AGPAT4: variants seen among roughly 807,000 people sequenced by gnomAD.
AGPAT4 encodes 1-acylglycerol-3-phosphate O-acyltransferase 4, also known as 1-acyl-sn-glycerol-3-phosphate acyltransferase delta.
A neutral mutation model predicts 48.0 loss-of-function variants in AGPAT4; 15 were observed. That is an observed-to-expected ratio of 0.31 (90% confidence interval 0.21 to 0.48). AGPAT4 has a LOEUF of 0.48. Ranked by LOEUF, AGPAT4 falls within the 20% of genes least tolerant of loss-of-function variation. The probability of loss-of-function intolerance (pLI) is 0.99; values close to 1 mark genes in which losing one functional copy is unlikely to be tolerated. For missense variants in AGPAT4, 314 were observed against 482.5 expected (o/e 0.65, Z 3.27); for synonymous variants, 178 against 198.7 (o/e 0.90, Z 0.88).
intron 2 of AGPAT4, among the ~76,000 whole-genome samples, chr6:161,173,856 C>T (rs1012820497): frequency 2.0e-5 from 3 of 152,218 alleles, no homozygotes; most frequent in Non-Finnish European, 4.4e-5. Flanking sequence ...TTTCAGCTTT[C>T]TACATATGGC....
rs1392734677 is a variant in AGPAT4 at position 161,219,411 on chromosome 6, G to T, written c.178+12625C>A. The stretch of plus-strand genomic sequence containing the variant: ...AGATGAGATAAAAGGAACATAAATA[G>T]AAGCTCTCAGGTTTGTTTTTTCTAT... On this transcript the variant is annotated intron_variant, in intron 2 of 8. Coordinates refer to ENST00000320285, the MANE Select transcript of AGPAT4 (RefSeq NM_020133.3). This position sits in a 1 kb window ranked among gnomAD's most constrained non-coding sequence, Gnocchi z 4.9. 1.3e-5 allele frequency among the ~76,000 whole-genome samples: 2 copies of T among 151,658 alleles called. No homozygotes were observed. The highest frequency in any genetic ancestry group is 2.9e-5 in the Non-Finnish European group (2 of 67,972).
intron 2 of AGPAT4, among the ~76,000 whole-genome samples, chr6:161,205,969 G>A (rs2115014458): frequency 6.6e-6 from 1 of 152,160 alleles, no homozygotes; most frequent in African/African-American, 2.4e-5. Flanking sequence ...TCTGAAAGGT[G>A]GAGAGAAGAA....
Position 161,255,950 on chromosome 6 carries a change from G to A in AGPAT4, c.-90+17988C>T, listed in dbSNP as rs1331513360. On this transcript the variant is annotated intron_variant, in intron 1 of 8. Transcript: ENST00000320285. The surrounding 1 kb of genome is among the most constrained non-coding windows in gnomAD (Gnocchi z 4.7). ...CCACAGAAGACAAAACATAAGCAGA[G>A]TCAGCCTTCAGTCCACACAGCCATG... Among the ~76,000 whole-genome samples the A allele has an allele frequency of 1.3e-5, 2 of 152,120 alleles. No homozygotes were observed. The highest frequency in any genetic ancestry group is 2.9e-5 in the Non-Finnish European group (2 of 68,026).
chr6:161,132,691 T>G lies in AGPAT4; in HGVS notation c.*3849A>C, dbSNP rs1778939590. 6.6e-6 allele frequency: 1 copy of G among 152,278 alleles called. No homozygotes were observed. 9.4% of individuals were successfully genotyped at this position (152,278 alleles called of 1,614,324 possible). A position where few individuals can be genotyped will look rare whatever the true frequency, so the allele number is the denominator to read the frequency against. On this transcript the variant is annotated 3_prime_UTR_variant, in exon 9 of 9. Coordinates refer to ENST00000320285, the MANE Select transcript of AGPAT4 (RefSeq NM_020133.3). ...TGAGCATGTTACACATGGGCTTGCC[T>G]AAGTATTTCCTTCTCTGTGAACATC...
Position 161,133,083 on chromosome 6 carries a change from G to T in AGPAT4, c.*3457C>A, listed in dbSNP as rs990623286. On this transcript the variant is annotated 3_prime_UTR_variant, in exon 9 of 9. Transcript: ENST00000320285. ...AAAGCTGGATTAAATCTCTTGAGCAGAAGTAGAGACCCTAGAGAATCTTCA... is the reference window on the plus strand; with the variant it reads ...AAAGCTGGATTAAATCTCTTGAGCATAAGTAGAGACCCTAGAGAATCTTCA... The T allele has an allele frequency of 6.6e-6, 1 of 152,222 alleles. No homozygotes were observed. The highest frequency in any genetic ancestry group is 2.4e-5 in the African/African-American group (1 of 41,454). The allele number at this position is 152,222 out of a possible 1,614,324, so 9.4% of individuals were successfully genotyped here.
rs747268357 is a variant in AGPAT4 at position 161,144,877 on chromosome 6, A to C, written c.843+1647T>G. On this transcript the variant is annotated intron_variant, in intron 7 of 8. Coordinates refer to ENST00000320285, the MANE Select transcript of AGPAT4 (RefSeq NM_020133.3). This position sits in a 1 kb window ranked among gnomAD's most constrained non-coding sequence, Gnocchi z 6.6. ...GTGCCTGTAGTCCCAGATATTTGGGAGGCTGAGGCAGGAGAATGGCGTGAA... is the reference window on the plus strand; with the variant it reads ...GTGCCTGTAGTCCCAGATATTTGGGCGGCTGAGGCAGGAGAATGGCGTGAA... 3.9e-5 allele frequency among the ~76,000 whole-genome samples: 6 copies of C among 152,062 alleles called. No homozygotes were observed. Among genetic ancestry groups the C allele is most frequent in the Non-Finnish European group, 7.3e-5 (5 of 68,028 alleles).
At chr6:161,213,093 G>A (rs1042268532) in intron 2 of AGPAT4, among the ~76,000 whole-genome samples, 1 of 152,172 alleles carries the variant, frequency 6.6e-6, no homozygotes, top group Non-Finnish European at 1.5e-5. Flanking sequence ...CTTTCTGGCA[G>A]GTCCAGGAGC....
chr6:161,207,769 A>G (rs1265827190), intron 2 of AGPAT4, among the ~76,000 whole-genome samples: 1 of 152,242 alleles, frequency 6.6e-6, no homozygotes, highest in African/African-American at 2.4e-5. Context: ...GGCAAGGAAC[A>G]TGAATTCACT....
chr6:161,146,395 TC>T lies in AGPAT4; in HGVS notation c.843+128del. Reference sequence around the variant, plus strand: ...TCTTCATTGCCAAGAGAGGGTCAGCTCCAGACTCACTAATAACTGGCTCTGT... The same window carrying T: ...TCTTCATTGCCAAGAGAGGGTCAGCTCAGACTCACTAATAACTGGCTCTGT... On this transcript the variant is annotated intron_variant, in intron 7 of 8. Transcript: ENST00000320285. The surrounding 1 kb of genome is among the most constrained non-coding windows in gnomAD (Gnocchi z 7.1). 1 of 787,364 alleles carries T rather than the reference TC, an allele frequency of 1.3e-6. No individual in the cohort carries two copies. Among genetic ancestry groups the T allele is most frequent in the East Asian group, 2.5e-5 (1 of 39,586 alleles). The allele number at this position is 787,364 out of a possible 1,614,324, so 48.8% of individuals were successfully genotyped here. A position where few individuals can be genotyped will look rare whatever the true frequency, so the allele number is the denominator to read the frequency against.
intron 2 of AGPAT4, among the ~76,000 whole-genome samples, chr6:161,207,976 C>A (rs537516967): frequency 6.6e-6 from 1 of 152,112 alleles, no homozygotes; most frequent in Non-Finnish European, 1.5e-5. Context: ...TCAAGGCATG[C>A]CTTGAAGACC....
At position 161,136,747 on chromosome 6, in the gene AGPAT4, GCT is replaced by G. The variant is rs1203595274; in HGVS notation, c.1043-115_1043-114del. On this transcript the variant is annotated intron_variant, in intron 8 of 8. Transcript: ENST00000320285. ...CGCAAATCACAAGCGCCAGCTCAGA[GCT>G]GGCTGGCGGGTTTGAGGTGCCATCA... 4.8e-6 allele frequency: 4 copies of G among 839,966 alleles called. No individual in the cohort carries two copies. The Admixed American group carries it at 8.9e-5, about 19-fold the overall frequency. The allele number at this position is 839,966 out of a possible 1,614,324, so 52.0% of individuals were successfully genotyped here.
At position 161,212,516 on chromosome 6, in the gene AGPAT4, A is replaced by G. The variant is rs1781547400; in HGVS notation, c.178+19520T>C. 6.6e-6 allele frequency among the ~76,000 whole-genome samples: 1 copy of G among 152,348 alleles called. No homozygotes were observed. Among genetic ancestry groups the G allele is most frequent in the East Asian group, 1.9e-4 (1 of 5,188 alleles). On this transcript the variant is annotated intron_variant, in intron 2 of 8. Transcript: ENST00000320285. This position sits in a 1 kb window ranked among gnomAD's most constrained non-coding sequence, Gnocchi z 6.1. The stretch of plus-strand genomic sequence containing the variant: ...CTGGTATAAAAATTATACAGGAAAC[A>G]TTGTCAAATACGAAATGGTGTTTGG...
At chr6:161,228,057 C>T (rs905452193) in intron 2 of AGPAT4, among the ~76,000 whole-genome samples, 35 of 152,222 alleles carry the variant, frequency 2.3e-4, no homozygotes, top group African/African-American at 8.2e-4. Flanking sequence ...AAGACACCCT[C>T]GCCACCACCG....
At chr6:161,186,071 A>G (rs1196693892) in intron 2 of AGPAT4, among the ~76,000 whole-genome samples, 1 of 152,112 alleles carries the variant, frequency 6.6e-6, no homozygotes, top group East Asian at 1.9e-4. Flanking sequence ...CCCATTAACA[A>G]GGAAAGTCTC....
chr6:161,250,362 A>G (rs944080412), intron 1 of AGPAT4, among the ~76,000 whole-genome samples: 8 of 152,194 alleles, frequency 5.3e-5, no homozygotes, highest in Non-Finnish European at 8.8e-5. Flanking sequence ...AAATAAATAT[A>G]CAGTAGTTGA....
At chr6:161,172,724 A>G (rs1780301651) in intron 2 of AGPAT4, among the ~76,000 whole-genome samples, 1 of 152,174 alleles carries the variant, frequency 6.6e-6, no homozygotes, top group Non-Finnish European at 1.5e-5. Context: ...TACATGTGCC[A>G]TGTTGGTGTG....
At chr6:161,203,380 T>C (rs1781289531) in intron 2 of AGPAT4, among the ~76,000 whole-genome samples, 1 of 94,528 alleles carries the variant, frequency 1.1e-5, no homozygotes, top group South Asian at 3.6e-4. Context: ...TCTTTTTCTT[T>C]CTTTTTTTTT....
rs1366388046 is a variant in AGPAT4, at chr6:161,131,632, C to G, written c.*4908G>C. On this transcript the variant is annotated 3_prime_UTR_variant, in exon 9 of 9. Coordinates refer to ENST00000320285, the MANE Select transcript of AGPAT4 (RefSeq NM_020133.3). ...GAGCTCAGGAGCCCATCCCTGTGCT[C>G]AGAGAGATGGGACTCCAATGAGGAG... 2 of 152,272 alleles carry G rather than the reference C, an allele frequency of 1.3e-5. No homozygotes were observed. The highest frequency in any genetic ancestry group is 1.5e-5 in the Non-Finnish European group (1 of 68,032). The allele number at this position is 152,272 out of a possible 1,614,324, so 9.4% of individuals were successfully genotyped here.
In AGPAT4 at chr6:161,158,276, T is replaced by C. The variant is rs1405803842; in HGVS notation, c.349-3966A>G. On this transcript the variant is annotated intron_variant, in intron 3 of 8. Transcript: ENST00000320285. This position sits in a 1 kb window ranked among gnomAD's most constrained non-coding sequence, Gnocchi z 5.3. ...TTCAATAGGCTATAACTATCATGGCTTTCCCAGGCCACTCAGAGGCTTCCA... is the reference window on the plus strand; with the variant it reads ...TTCAATAGGCTATAACTATCATGGCCTTCCCAGGCCACTCAGAGGCTTCCA... 2.0e-5 allele frequency among the ~76,000 whole-genome samples: 3 copies of C among 152,196 alleles called. No homozygotes were observed. Among genetic ancestry groups the C allele is most frequent in the Non-Finnish European group, 4.4e-5 (3 of 68,030 alleles).
Sources: gnomAD v4.1 joint callset for allele counts (sites outside exome capture counted in the v4.1 genomes callset) on GRCh38, gnomAD v4.1.1 for gene constraint, Gnocchi (gnomAD v3.1) non-coding constraint, MANE v1.5 for transcripts, NCBI Gene and HGNC (gene_info 2026-07-23, HGNC 2026-07-21) for gene names.